Variants in ANO2 observed in about 807,000 individuals in gnomAD.
ANO2 encodes anoctamin 2, also known as anoctamin-2.
Under a neutral mutation model 124.2 loss-of-function variants are expected in ANO2, and 101 were observed. The ratio of observed to expected loss-of-function variants is 0.81; its 90% CI spans 0.69 to 0.96. The LOEUF (loss-of-function observed/expected upper bound fraction) is 0.96. ANO2 is among the 40% of genes least tolerant of loss of function. The probability of loss-of-function intolerance (pLI) is 0.00; values close to 1 mark genes in which losing one functional copy is unlikely to be tolerated. For missense variants in ANO2, 1,293 were observed against 1,274.5 expected (o/e 1.01, Z -0.22); for synonymous variants, 486 against 482.5 (o/e 1.01, Z -0.09).
chr12:5,817,124 A>C (rs905078862), intron 7 of ANO2, among the ~76,000 whole-genome samples: 1 of 152,240 alleles, frequency 6.6e-6, no homozygotes, highest in Admixed American at 6.5e-5. Context: ...TCTAGTCTCT[A>C]GTGGCCTTCC....
intron 14 of ANO2, among the ~76,000 whole-genome samples, chr12:5,686,874 G>A (rs1440230114): frequency 6.6e-6 from 1 of 152,214 alleles, no homozygotes; most frequent in African/African-American, 2.4e-5. Flanking sequence ...TAAGCCTCAA[G>A]TGCATCCATC....
chr12:5,760,622 A>G (rs1277426137), intron 10 of ANO2, among the ~76,000 whole-genome samples: 1 of 152,116 alleles, frequency 6.6e-6, no homozygotes, highest in Non-Finnish European at 1.5e-5. Flanking sequence ...CAAATTACAC[A>G]TCCACTATAA....
At chr12:5,797,116 C>T (rs753965976) in intron 10 of ANO2, among the ~76,000 whole-genome samples, 2 of 152,212 alleles carry the variant, frequency 1.3e-5, no homozygotes, top group Admixed American at 6.5e-5. Context: ...GCAACTTCTC[C>T]GCGAGGCACA....
In ANO2 at chr12:5,563,276, T is replaced by C; in HGVS notation, c.*23A>G. 6.3e-7 allele frequency: 1 copy of C among 1,584,554 alleles called. No homozygotes were observed. Among genetic ancestry groups the C allele is most frequent in the South Asian group, 1.1e-5 (1 of 87,898 alleles). On this transcript the variant is annotated 3_prime_UTR_variant, in exon 25 of 25. Transcript: ENST00000682330. Reference sequence around the variant, plus strand: ...TGTGCGTGTCTCTGCTGCCGTGCCCTCCTCTGCTGCAGGCTGAACTGCTCA... The same window carrying C: ...TGTGCGTGTCTCTGCTGCCGTGCCCCCCTCTGCTGCAGGCTGAACTGCTCA...
chr12:5,586,702 T>G (rs934989304), intron 20 of ANO2, among the ~76,000 whole-genome samples: 1 of 152,242 alleles, frequency 6.6e-6, no homozygotes, highest in African/African-American at 2.4e-5. Flanking sequence ...AGTGTCCACT[T>G]TCACCTGATC....
At chr12:5,854,260 G>A (rs953740323) in intron 3 of ANO2, 119 bp from the exon 4 acceptor site, 19 of 897,072 alleles carry the variant, frequency 2.1e-5, no homozygotes, top group African/African-American at 1.0e-4. Context: ...TCTCGTTTTC[G>A]TTCTCTTTAA....
rs1781901890 is a variant in ANO2, at chr12:5,572,188, A to T, written c.2621+3646T>A. On this transcript the variant is annotated intron_variant, in intron 23 of 24. Transcript: ENST00000682330. ...CAACAGGACCAGCATCCTCTCCTTA[A>T]TATGGAGTTTGTTTTTTTCTTTCAG... Among the ~76,000 whole-genome samples the T allele has an allele frequency of 2.0e-5, 3 of 152,124 alleles. No homozygotes were observed. The South Asian group carries it at 6.2e-4, about 31-fold the overall frequency.
chr12:5,655,357 A>G (rs1947104267), intron 14 of ANO2, among the ~76,000 whole-genome samples: 1 of 152,166 alleles, frequency 6.6e-6, no homozygotes, highest in Non-Finnish European at 1.5e-5. Context: ...AGACTTTTGC[A>G]GGTACCTTAA....
intron 10 of ANO2, among the ~76,000 whole-genome samples, chr12:5,794,776 G>C (rs1304714951): frequency 1.3e-5 from 2 of 152,198 alleles, no homozygotes; most frequent in Admixed American, 1.3e-4. Context: ...CAAGCAAAGA[G>C]ACTTGCTCAC....
chr12:5,871,965 G>A, intron 3 of ANO2, among the ~76,000 whole-genome samples: 1 of 152,166 alleles, frequency 6.6e-6, no homozygotes, highest in East Asian at 1.9e-4. Flanking sequence ...AAAGCTGCAT[G>A]AATGTTTCTG....
intron 3 of ANO2, among the ~76,000 whole-genome samples, chr12:5,871,835 T>C (rs1937721962): frequency 6.6e-6 from 1 of 151,870 alleles, no homozygotes; most frequent in Non-Finnish European, 1.5e-5. Context: ...TGGTGGGGAG[T>C]GCAACCATCC....
At chr12:5,945,122 G>T in intron 1 of ANO2, 74 bp downstream of exon 1, 1 of 1,248,064 alleles carries the variant, frequency 8.0e-7, no homozygotes, top group Non-Finnish European at 1.0e-6. Context: ...GTGGGAGTTC[G>T]GATGCCGCCT....
At chr12:5,775,343 C>A (rs1285703440) in intron 10 of ANO2, among the ~76,000 whole-genome samples, 1 of 152,044 alleles carries the variant, frequency 6.6e-6, no homozygotes, top group Non-Finnish European at 1.5e-5. Flanking sequence ...CTCATCTTAA[C>A]CCAAAAGGTC....
At chr12:5,649,113 A>C (rs1370037235) in intron 14 of ANO2, among the ~76,000 whole-genome samples, 1 of 152,202 alleles carries the variant, frequency 6.6e-6, no homozygotes, top group African/African-American at 2.4e-5. Context: ...AACAGAGATG[A>C]CACCCACACA....
chr12:5,760,839 T>G (rs952986667), intron 10 of ANO2, among the ~76,000 whole-genome samples: 1 of 152,290 alleles, frequency 6.6e-6, no homozygotes, highest in Non-Finnish European at 1.5e-5. Context: ...CTGCTCGCTT[T>G]AACTTCCCTG....
At position 5,727,634 on chromosome 12, in the gene ANO2, C is replaced by CTTTTT. The variant is rs1565614619; in HGVS notation, c.1545+4885_1545+4886insAAAAA. On this transcript the variant is annotated intron_variant, in intron 14 of 24. Coordinates refer to ENST00000682330, the MANE Select transcript of ANO2 (RefSeq NM_001364791.2). ...GCAAGGAAGTCCATTCTCACCACTT[C>CTTTTT]CTTTTTTTTTTTTTTTTTTTTGAGA... 1.5e-5 allele frequency among the ~76,000 whole-genome samples: 2 copies of CTTTTT among 133,736 alleles called. 1 individual carries two copies. The allele number at this position is 133,736 out of a possible 152,430, so 87.7% of individuals were successfully genotyped here. A position where few individuals can be genotyped will look rare whatever the true frequency, so the allele number is the denominator to read the frequency against.
At position 5,732,540 on chromosome 12, in the gene ANO2, T is replaced by C; in HGVS notation, c.1525A>G (p.Thr509Ala). 1 of 1,613,732 alleles carries C rather than the reference T, an allele frequency of 6.2e-7. No homozygotes were observed. The highest frequency in any genetic ancestry group is 8.5e-7 in the Non-Finnish European group (1 of 1,179,762). The change falls in exon 14 of 25, where the codon ACG (threonine) becomes GCG (alanine). Residue 509 changes from threonine (T) to alanine (A), a missense_variant. Thr to Ala is a moderately conservative substitution (Grantham distance 58, BLOSUM62 0). Coordinates refer to ENST00000682330, the MANE Select transcript of ANO2 (RefSeq NM_001364791.2). ...QSAVQKLETN[T>A]TECGDEDDED... ...CATACCTCATCGCCACACTCCGTCG[T>C]GTTTGTTTCCAATTTCTGGACAGCA...
chr12:5,653,957 A>G (rs1947041707), intron 14 of ANO2, among the ~76,000 whole-genome samples: 1 of 152,242 alleles, frequency 6.6e-6, no homozygotes, highest in Non-Finnish European at 1.5e-5. Context: ...AGTATGATCA[A>G]ATGGCTCCGT....
At chr12:5,897,543 T>C (rs1051438057) in intron 3 of ANO2, among the ~76,000 whole-genome samples, 1 of 152,166 alleles carries the variant, frequency 6.6e-6, no homozygotes, top group African/African-American at 2.4e-5. Flanking sequence ...GGCACAAGGA[T>C]AGTCAAACAG....
Sources: gnomAD v4.1 joint callset for allele counts (sites outside exome capture counted in the v4.1 genomes callset) on GRCh38, gnomAD v4.1.1 for gene constraint, MANE v1.5 for transcripts, NCBI Gene and HGNC (gene_info 2026-07-23, HGNC 2026-07-21) for gene names.